The following FRMD4A variants were observed in gnomAD, a reference collection of about 807,000 sequenced individuals.
FRMD4A encodes FERM domain-containing protein 4A.
Under a neutral mutation model 129.1 loss-of-function variants are expected in FRMD4A, and 29 were observed. That is an observed-to-expected ratio of 0.22 (90% confidence interval 0.17 to 0.31). The LOEUF (loss-of-function observed/expected upper bound fraction) is 0.31, where lower values mean the gene tolerates loss of function less well. Ranked by LOEUF, FRMD4A falls within the 10% of genes least tolerant of loss-of-function variation. The pLI is 1.00. For missense variants in FRMD4A, 1,272 were observed against 1,375.8 expected (o/e 0.92, Z 1.19); for synonymous variants, 634 against 571.6 (o/e 1.11, Z -1.56).
rs527282260 is a variant in FRMD4A, at chr10:13,836,767, T to C, written c.111+22080A>G. On this transcript the variant is annotated intron_variant, in intron 3 of 24. Coordinates refer to ENST00000357447, the MANE Select transcript of FRMD4A (RefSeq NM_018027.5). ...TTCCTCAGTGGTTCTTTTTTTTTTT[T>C]TTTTTTTTGAGACGGAGTCTCGCTC... 5.7e-3 allele frequency among the ~76,000 whole-genome samples: 850 copies of C among 148,194 alleles called. 8 individuals are homozygous for C. Among genetic ancestry groups the C allele is most frequent in the Non-Finnish European group, 7.5e-3 (503 of 66,982 alleles).
At chr10:13,850,028 G>A (rs1253951679) in intron 3 of FRMD4A, among the ~76,000 whole-genome samples, 1 of 151,930 alleles carries the variant, frequency 6.6e-6, no homozygotes, top group South Asian at 2.1e-4. Context: ...AATAAGCTGT[G>A]GGTGGTGGCA....
At chr10:14,243,811 T>G (rs952440789) in intron 2 of FRMD4A, among the ~76,000 whole-genome samples, 1 of 142,530 alleles carries the variant, frequency 7.0e-6, no homozygotes, top group African/African-American at 2.6e-5. Context: ...GACACTTTGT[T>G]ATGTATATAT....
At chr10:14,174,478 G>A (rs919633110) in intron 2 of FRMD4A, among the ~76,000 whole-genome samples, 2 of 152,222 alleles carry the variant, frequency 1.3e-5, no homozygotes, top group Admixed American at 6.5e-5. Flanking sequence ...GCATCCAGCC[G>A]CTTTGGGCTC....
Position 13,714,059 on chromosome 10 carries a change from T to TATATATATATAA in FRMD4A, c.760-6947_760-6946insTTATATATATAT, listed in dbSNP as rs1207471495. Among the ~76,000 whole-genome samples, 67 of 101,300 alleles carry TATATATATATAA rather than the reference T, an allele frequency of 6.6e-4. 7 individuals are homozygous for TATATATATATAA. In the East Asian group the frequency reaches 7.3e-3, roughly 11 times the overall value. The allele number at this position is 101,300 out of a possible 152,430, so 66.5% of individuals were successfully genotyped here. On this transcript the variant is annotated intron_variant, in intron 12 of 24. Transcript: ENST00000357447. ...ATATATATATATATATATATATATA[T>TATATATATATAA]AAAATATACTTTTTTTTTGAGACAC...
chr10:14,327,992 C>T (rs927036407), intron 2 of FRMD4A, among the ~76,000 whole-genome samples: 1 of 152,146 alleles, frequency 6.6e-6, no homozygotes, highest in African/African-American at 2.4e-5. Flanking sequence ...TTTTAAGATG[C>T]ATCATGCAAG....
At chr10:14,246,833 G>A in intron 2 of FRMD4A, among the ~76,000 whole-genome samples, 1 of 152,118 alleles carries the variant, frequency 6.6e-6, no homozygotes, top group East Asian at 1.9e-4. Context: ...CACAGGAGAA[G>A]AAAGATTGTG....
intron 3 of FRMD4A, among the ~76,000 whole-genome samples, chr10:13,830,017 A>G (rs1588935750): frequency 6.6e-6 from 1 of 152,054 alleles, no homozygotes; most frequent in Admixed American, 6.5e-5. Flanking sequence ...TCACCTGGGG[A>G]TTTGACTGTG....
chr10:14,174,685 G>T (rs1841640116), intron 2 of FRMD4A, among the ~76,000 whole-genome samples: 2 of 152,298 alleles, frequency 1.3e-5, no homozygotes, highest in South Asian at 4.1e-4. Flanking sequence ...ATCCCACTGC[G>T]TGGAGTACTT....
intron 2 of FRMD4A, among the ~76,000 whole-genome samples, chr10:13,909,389 G>A (rs1002509687): frequency 3.3e-5 from 5 of 152,240 alleles, no homozygotes; most frequent in South Asian, 2.1e-4. Flanking sequence ...ACAAATTTCC[G>A]TTCCCATCAG....
chr10:14,186,017 A>G (rs1488174143), intron 2 of FRMD4A, among the ~76,000 whole-genome samples: 1 of 152,204 alleles, frequency 6.6e-6, no homozygotes, highest in Non-Finnish European at 1.5e-5. Flanking sequence ...GATGGAGCAC[A>G]GCAGTGGGCA....
At chr10:14,103,487 C>T (rs9787650) in intron 2 of FRMD4A, among the ~76,000 whole-genome samples, 59,554 of 152,054 alleles carry the variant, frequency 0.39, 12,780 homozygotes, top group East Asian at 0.59. Context: ...GCCTGGGTCT[C>T]TGTTGACTAC....
At chr10:13,921,812 A>G (rs2095076530) in intron 2 of FRMD4A, among the ~76,000 whole-genome samples, 1 of 152,102 alleles carries the variant, frequency 6.6e-6, no homozygotes, top group Non-Finnish European at 1.5e-5. Flanking sequence ...ATTATTTTAC[A>G]TTGTTTCTTG....
chr10:13,983,632 G>A (rs1317017351), intron 2 of FRMD4A, among the ~76,000 whole-genome samples: 2 of 152,096 alleles, frequency 1.3e-5, no homozygotes, highest in Non-Finnish European at 2.9e-5. Context: ...AGAAACAAAA[G>A]TGGTGATTTA....
chr10:14,141,826 T>C (rs577346147), intron 2 of FRMD4A, among the ~76,000 whole-genome samples: 1,810 of 152,298 alleles, frequency 0.012, 28 homozygotes, highest in African/African-American at 0.041. Context: ...TGTGTGTGTG[T>C]GCCTGCTTGT....
At chr10:14,236,527 G>A (rs1301541454) in intron 2 of FRMD4A, among the ~76,000 whole-genome samples, 1 of 152,176 alleles carries the variant, frequency 6.6e-6, no homozygotes, top group East Asian at 1.9e-4. Flanking sequence ...TGGAGCCTGG[G>A]TCAGCTCTGC....
intron 2 of FRMD4A, among the ~76,000 whole-genome samples, chr10:14,308,312 T>C (rs1846420870): frequency 1.3e-5 from 2 of 152,230 alleles, no homozygotes; most frequent in Admixed American, 6.5e-5. Context: ...GGGGAAGAAA[T>C]GTGCCAAAGA....
chr10:14,208,188 C>A (rs1842839731), intron 2 of FRMD4A, among the ~76,000 whole-genome samples: 2 of 151,912 alleles, frequency 1.3e-5, no homozygotes, highest in Admixed American at 6.6e-5. Flanking sequence ...AGAGCCAGAC[C>A]CAGCCTCAAA....
intron 4 of FRMD4A, among the ~76,000 whole-genome samples, chr10:13,802,067 A>C (rs1241547632): frequency 6.7e-6 from 1 of 150,252 alleles, no homozygotes; most frequent in East Asian, 2.0e-4. Context: ...TATGTGACTG[A>C]TAACTATCTT....
chr10:14,265,003 C>G (rs1265639837), intron 2 of FRMD4A, among the ~76,000 whole-genome samples: 1 of 152,088 alleles, frequency 6.6e-6, no homozygotes, highest in Non-Finnish European at 1.5e-5. Flanking sequence ...AGGCTGGTCT[C>G]GAACTCCTGA....
Sources: allele counts gnomAD v4.1 joint callset (sites outside exome capture counted in the v4.1 genomes callset), GRCh38; gene constraint gnomAD v4.1.1; transcripts MANE v1.5; gene names NCBI Gene and HGNC (gene_info 2026-07-23, HGNC 2026-07-21).